The following NCL variants were observed in gnomAD, a reference collection of about 807,000 sequenced individuals.
NCL encodes the protein nucleolin multifunctional protein.
NCL carries 4 observed loss-of-function variants against 77.7 expected under a neutral mutation model. The ratio of observed to expected loss-of-function variants is 0.05; its 90% CI spans 0.03 to 0.12. The LOEUF is 0.12. Among genes scored for constraint, NCL ranks in the 10% least tolerant of loss-of-function variants. NCL has a pLI of 1.00. For synonymous variants in NCL, 344 were observed against 297.8 expected (o/e 1.16, Z -1.60); for missense variants, 763 against 860.9 (o/e 0.89, Z 1.42).
chr2:231,456,281 TA>T, intron 11 of NCL, 145 bp from the exon 12 acceptor site: 8 of 1,048,704 alleles, frequency 7.6e-6, no homozygotes, highest in Non-Finnish European at 1.1e-5. Flanking sequence ...AGTCCTTAAT[TA>T]AAGTAAAGGC....
Position 231,464,442 on chromosome 2 carries a change from T to G in NCL, c.-89A>C, listed in dbSNP as rs2046981593. 2.0e-6 allele frequency: 3 copies of G among 1,518,082 alleles called. No homozygotes were observed. Among genetic ancestry groups the G allele is most frequent in the Admixed American group, 1.9e-5 (1 of 51,620 alleles). 94.0% of individuals were successfully genotyped at this position (1,518,082 alleles called of 1,614,324 possible). ...CGATGGCGGCCGCGGGTGCTGAAGA[T>G]CCCGGAGCACGTACACCCGAAGGCC... On this transcript the variant is annotated 5_prime_UTR_variant, in exon 1 of 14. Transcript: ENST00000322723.
rs2046952720 is a variant in NCL at position 231,461,658 on chromosome 2, C to CTCATCCTCGTCCTCG, written c.480_494dup (p.Asp160_Asp164dup). ...CTGCTGGTTCAATTTCATCTTCATC[C>CTCATCCTCGTCCTCG]TCATCCTCGTCCTCGTCATCCTCCT... On this transcript the variant is annotated inframe_insertion, in exon 3 of 14. Coordinates refer to ENST00000322723, the MANE Select transcript of NCL (RefSeq NM_005381.3). 1 of 1,610,738 alleles carries CTCATCCTCGTCCTCG rather than the reference C, an allele frequency of 6.2e-7. No individual in the cohort carries two copies. Among genetic ancestry groups the CTCATCCTCGTCCTCG allele is most frequent in the African/African-American group, 1.3e-5 (1 of 74,842 alleles).
chr2:231,455,528 G>A lies in NCL; in HGVS notation c.1929C>T (p.Asp643=). 6.2e-7 allele frequency: 1 copy of A among 1,614,158 alleles called. No individual in the cohort carries two copies. The highest frequency in any genetic ancestry group is 2.2e-5 in the East Asian group (1 of 44,886). ...GEIDGNKVTL[D]WAKPKGEGGF... is the part of the protein sequence containing the mutation. ...CACCTTCACCCTTAGGTTTGGCCCAGTCCAAGGTAACTTTATTTCCATCAA... is the reference window on the plus strand; with the variant it reads ...CACCTTCACCCTTAGGTTTGGCCCAATCCAAGGTAACTTTATTTCCATCAA... The change falls in exon 13 of 14, where the codon GAC becomes GAT. Residue 643 remains aspartate (D), a synonymous_variant. Coordinates refer to ENST00000322723, the MANE Select transcript of NCL (RefSeq NM_005381.3).
rs1464250717 is a variant in NCL, at chr2:231,464,085, G to A, written c.18+251C>T. 22 of 1,343,886 alleles carry A rather than the reference G, an allele frequency of 1.6e-5. No homozygotes were observed. In the East Asian group the frequency reaches 5.9e-4, roughly 36 times the overall value. The allele number at this position is 1,343,886 out of a possible 1,614,324, so 83.2% of individuals were successfully genotyped here. On this transcript the variant is annotated intron_variant, in intron 1 of 13. Coordinates refer to ENST00000322723, the MANE Select transcript of NCL (RefSeq NM_005381.3). ...TCATCTCTCCACCCCGAGGCCCAGC[G>A]CCCCCTCCCCGCGCTCAGTGACTCT...
chr2:231,463,369 T>C (rs1208528987), intron 1 of NCL, 53 bp from the exon 2 acceptor site: 4 of 1,234,910 alleles, frequency 3.2e-6, no homozygotes, highest in Non-Finnish European at 4.7e-6. Context: ...TTTCAGGCCA[T>C]TCATATTTTG....
At chr2:231,462,845 G>A (rs980560783) in intron 2 of NCL, 2 of 321,826 alleles carry the variant, frequency 6.2e-6, no homozygotes, top group African/African-American at 4.3e-5. Context: ...TGGAGGCTAG[G>A]AAAGGAATCT....
rs767122316 is a variant in NCL, at chr2:231,461,841, A to T, written c.312T>A (p.Val104=). 1.9e-6 allele frequency: 3 copies of T among 1,613,476 alleles called. No individual in the cohort carries two copies. In the South Asian group the frequency reaches 3.3e-5, roughly 18 times the overall value. The change falls in exon 3 of 14, where the codon GTT becomes GTA. Residue 104 remains valine (V), a synonymous_variant. Transcript: ENST00000322723. ...TGGCTCCCTTCTTGCCAGGTGTGGT[A>T]ACTGCTTTGGCTGGTGTAACTGTCT... is the stretch of plus-strand genomic sequence containing the variant. The part of the protein sequence containing the change: ...AKKTVTPAKA[V]TTPGKKGATP...
Position 231,454,766 on chromosome 2 carries a change from T to TTTTAA in NCL, c.*420_*424dup. The stretch of plus-strand genomic sequence containing the variant: ...TAACACGTCTGGCACCAGAGTTGAC[T>TTTTAA]TTTAATTTGTCCTAAAGCCGCTGAA... On this transcript the variant is annotated 3_prime_UTR_variant, in exon 14 of 14. Transcript: ENST00000322723. 1 of 163,376 alleles carries TTTTAA rather than the reference T, an allele frequency of 6.1e-6. No individual in the cohort carries two copies. Among genetic ancestry groups the TTTTAA allele is most frequent in the Non-Finnish European group, 1.3e-5 (1 of 74,344 alleles). 10.1% of individuals were successfully genotyped at this position (163,376 alleles called of 1,614,324 possible). A position where few individuals can be genotyped will look rare whatever the true frequency, so the allele number is the denominator to read the frequency against.
At chr2:231,458,706 C>A (rs1238468207) in intron 7 of NCL, 4 of 420,850 alleles carry the variant, frequency 9.5e-6, no homozygotes, top group Non-Finnish European at 1.7e-5. Flanking sequence ...GGGACCTAAT[C>A]TAGTTTCAGT....
chr2:231,457,167 G>C (rs768519664), intron 9 of NCL, 43 bp from the exon 10 acceptor site: 1 of 1,611,650 alleles, frequency 6.2e-7, no homozygotes, highest in Non-Finnish European at 8.5e-7. Flanking sequence ...TGAAACAGTG[G>C]TTCCCAGCTT....
Position 231,455,414 on chromosome 2 carries a change from CCGGCCTCTGCCACCAAATCCTCCT to C in NCL, c.2019_2042del (p.Arg681_Gly688del), listed in dbSNP as rs1486884325. On this transcript the variant is annotated inframe_deletion, in exon 13 of 14. Transcript: ENST00000322723. Reference sequence around the variant, plus strand: ...TGCGTGCCTTACCTCCAAAGCCTCCCCGGCCTCTGCCACCAAATCCTCCTCGGCCTCCTCTACCACCACCTCGTC... The same window carrying C: ...TGCGTGCCTTACCTCCAAAGCCTCCCCGGCCTCCTCTACCACCACCTCGTC... The C allele has an allele frequency of 5.6e-6, 9 of 1,613,964 alleles. No homozygotes were observed. The highest frequency in any genetic ancestry group is 2.2e-5 in the East Asian group (1 of 44,900).
At chr2:231,464,136 C>T in intron 1 of NCL, 200 bp downstream of exon 1, 1 of 1,392,002 alleles carries the variant, frequency 7.2e-7, no homozygotes, top group South Asian at 1.5e-5. Flanking sequence ...TTCGCCGCCC[C>T]CAGCACCTGC....
intron 12 of NCL, 101 bp downstream of exon 12, chr2:231,455,909 T>TA (rs2046883383): frequency 2.5e-6 from 4 of 1,571,876 alleles, no homozygotes; most frequent in Admixed American, 3.3e-5. Context: ...CTGCCACTGA[T>TA]AGACAGAAAG....
At position 231,459,605 on chromosome 2, in the gene NCL, T is replaced by C. The variant is rs796539716; in HGVS notation, c.1041-480A>G. 1.1e-3 allele frequency among the ~76,000 whole-genome samples: 166 copies of C among 151,570 alleles called. 1 individual carries two copies. The highest frequency in any genetic ancestry group is 3.8e-3 in the African/African-American group (156 of 41,368). ...CCCAGGTTCAAGCGATTCTCCCACC[T>C]AACACCAAATTATTAAAACTTACTG... is the stretch of plus-strand genomic sequence containing the variant. On this transcript the variant is annotated intron_variant, in intron 6 of 13. Coordinates refer to ENST00000322723, the MANE Select transcript of NCL (RefSeq NM_005381.3).
chr2:231,457,834 A>C (rs1470083507), intron 8 of NCL, 34 bp from the exon 9 acceptor site: 33 of 1,561,060 alleles, frequency 2.1e-5, no homozygotes, highest in Non-Finnish European at 2.8e-5. Flanking sequence ...ATGGTTTTTA[A>C]AACCATATTA....
Position 231,455,534 on chromosome 2 carries a change from G to A in NCL, c.1923C>T (p.Thr641=), listed in dbSNP as rs767353265. The stretch of plus-strand genomic sequence containing the variant: ...CACCCTTAGGTTTGGCCCAGTCCAA[G>A]GTAACTTTATTTCCATCAATTTCAC... ...EDGEIDGNKV[T]LDWAKPKGEG... is the part of the protein sequence containing the mutation. Residue 641 remains threonine, a synonymous_variant, in exon 13 of 14, where the codon ACC becomes ACT. Coordinates refer to ENST00000322723, the MANE Select transcript of NCL (RefSeq NM_005381.3). The A allele has an allele frequency of 3.1e-6, 5 of 1,614,206 alleles. No homozygotes were observed. The South Asian group carries it at 5.5e-5, about 18-fold the overall frequency.
At position 231,461,796 on chromosome 2, in the gene NCL, T is replaced by C; in HGVS notation, c.357A>G (p.Val119=). The C allele has an allele frequency of 3.7e-6, 6 of 1,614,208 alleles. No individual in the cohort carries two copies. The highest frequency in any genetic ancestry group is 4.2e-6 in the Non-Finnish European group (5 of 1,180,024). ...KKGATPGKAL[V]ATPGKKGAAI... ...CAGCACCCTTCTTACCAGGAGTTGC[T>C]ACCAATGCTTTGCCTGGTGTGGCTC... Residue 119 remains valine, a synonymous_variant, in exon 3 of 14, where the codon GTA becomes GTG. Coordinates refer to ENST00000322723, the MANE Select transcript of NCL (RefSeq NM_005381.3).
At chr2:231,461,404 ACAC>A (rs1253790259) in intron 3 of NCL, 133 bp downstream of exon 3, 4 of 1,388,914 alleles carry the variant, frequency 2.9e-6, no homozygotes, top group Admixed American at 2.2e-5. Flanking sequence ...TAAGTCTAGC[ACAC>A]CACAACAACC....
intron 12 of NCL, 110 bp from the exon 13 acceptor site, chr2:231,455,734 G>T: frequency 7.5e-7 from 1 of 1,334,078 alleles, no homozygotes. Flanking sequence ...TGTTTATTTG[G>T]GAAAAGATAC....
Sources: gnomAD v4.1 joint callset for allele counts (sites outside exome capture counted in the v4.1 genomes callset) on GRCh38, gnomAD v4.1.1 for gene constraint, MANE v1.5 for transcripts, NCBI Gene and HGNC (gene_info 2026-07-23, HGNC 2026-07-21) for gene names.